Variants in PHTF2 observed in about 807,000 individuals in gnomAD.
The protein encoded by PHTF2 is putative homeodomain transcription factor 2.
In PHTF2, 60 loss-of-function variants were observed where a neutral mutation model predicts 101.2. The observed-to-expected ratio is 0.59, with a 90% CI of 0.48 to 0.73. PHTF2 has a LOEUF of 0.73. Among genes scored for constraint, PHTF2 ranks in the 30% least tolerant of loss-of-function variants. PHTF2 has a pLI of 0.00. For synonymous variants in PHTF2, 311 were observed against 307.3 expected (o/e 1.01, Z -0.13); for missense variants, 747 against 908.7 (o/e 0.82, Z 2.29).
At chr7:77,846,685 C>T (rs899195943) in intron 2 of PHTF2, among the ~76,000 whole-genome samples, 1 of 149,578 alleles carries the variant, frequency 6.7e-6, no homozygotes, top group Non-Finnish European at 1.5e-5. Context: ...CTCTGTCACT[C>T]AGGCTGTTGT....
intron 1 of PHTF2, among the ~76,000 whole-genome samples, chr7:77,813,327 T>A (rs1404053326): frequency 6.6e-6 from 1 of 152,166 alleles, no homozygotes; most frequent in Non-Finnish European, 1.5e-5. Flanking sequence ...GAATAAAGTG[T>A]TCCAGGAGAA....
chr7:77,848,807 A>G (rs908228939), intron 2 of PHTF2, among the ~76,000 whole-genome samples: 26 of 152,110 alleles, frequency 1.7e-4, no homozygotes, highest in Non-Finnish European at 3.5e-4. Flanking sequence ...GAGTTTCCCC[A>G]ATGTTTTCTT....
intron 2 of PHTF2, among the ~76,000 whole-genome samples, chr7:77,849,833 C>A (rs563329357): frequency 6.6e-6 from 1 of 152,300 alleles, no homozygotes; most frequent in Non-Finnish European, 1.5e-5. Context: ...TATAGAAATG[C>A]TACTGATTTT....
chr7:77,937,826 G>A (rs780910902), exon 13 of PHTF2: 3 of 1,515,606 alleles, frequency 2.0e-6, no homozygotes, highest in Non-Finnish European at 2.7e-6. Context: ...TCAGTGGAAT[G>A]ATAATGAACA....
intron 3 of PHTF2, among the ~76,000 whole-genome samples, chr7:77,893,058 G>A (rs1800573487): frequency 6.6e-6 from 1 of 152,094 alleles, no homozygotes; most frequent in Non-Finnish European, 1.5e-5. Flanking sequence ...TAGGGCAGTG[G>A]TTTTCAACAT....
intron 7 of PHTF2, among the ~76,000 whole-genome samples, chr7:77,908,308 T>C (rs541621845): frequency 6.6e-6 from 1 of 152,218 alleles, no homozygotes; most frequent in South Asian, 2.1e-4. Context: ...ATAGTTAGCA[T>C]TGATGGATGT....
At chr7:77,815,926 T>C (rs1186403671) in intron 1 of PHTF2, among the ~76,000 whole-genome samples, 1 of 152,228 alleles carries the variant, frequency 6.6e-6, no homozygotes, top group African/African-American at 2.4e-5. Flanking sequence ...ATTTTTGTTG[T>C]TTTTTTCCGT....
intron 3 of PHTF2, among the ~76,000 whole-genome samples, chr7:77,888,966 T>C (rs139498052): frequency 6.6e-6 from 1 of 152,178 alleles, no homozygotes; most frequent in African/African-American, 2.4e-5. Context: ...AATGGAAATA[T>C]CTGTTAGGGG....
intron 1 of PHTF2, among the ~76,000 whole-genome samples, chr7:77,800,327 G>C (rs944526187): frequency 6.6e-6 from 1 of 152,196 alleles, no homozygotes; most frequent in African/African-American, 2.4e-5. Flanking sequence ...GCCATGTCTG[G>C]GGCCAGAAAC....
At chr7:77,940,115 G>A (rs1234050279) in exon 14 of PHTF2, 6 of 1,613,536 alleles carry the variant, frequency 3.7e-6, no homozygotes, top group Non-Finnish European at 5.1e-6. Flanking sequence ...TTTGTTTTCC[G>A]ACTTTCTCAA....
intron 3 of PHTF2, among the ~76,000 whole-genome samples, chr7:77,867,238 A>G (rs4291201): frequency 0.25 from 38,718 of 152,138 alleles, 5,071 homozygotes; most frequent in South Asian, 0.29. Context: ...AGGGAGAAGT[A>G]TATGACAATG....
At position 77,937,850 on chromosome 7, in the gene PHTF2, A is replaced by G; in HGVS notation, c.1467+12A>G. 6.9e-7 allele frequency: 1 copy of G among 1,446,404 alleles called. No homozygotes were observed. The highest frequency in any genetic ancestry group is 1.4e-5 in the South Asian group (1 of 69,066). The allele number at this position is 1,446,404 out of a possible 1,614,324, so 89.6% of individuals were successfully genotyped here. A position where few individuals can be genotyped will look rare whatever the true frequency, so the allele number is the denominator to read the frequency against. ...TGATAATGAACAGAGTGAGTTTTTAAATTTTATTCTTGTAGTTCAAGGGTA... is the reference window on the plus strand; with the variant it reads ...TGATAATGAACAGAGTGAGTTTTTAGATTTTATTCTTGTAGTTCAAGGGTA... On this transcript the variant is annotated intron_variant, in intron 13 of 19. Transcript: ENST00000416283.
intron 9 of PHTF2, 96 bp downstream of exon 8, chr7:77,910,505 G>A (rs1802287103): frequency 2.5e-6 from 2 of 796,802 alleles, no homozygotes; most frequent in Admixed American, 3.0e-5. Context: ...TACTTTAAAT[G>A]TGACAGCCTC....
intron 11 of PHTF2, chr7:77,924,192 G>A (rs759582761): frequency 5.8e-5 from 52 of 903,822 alleles, no homozygotes; most frequent in Non-Finnish European, 6.7e-5. Context: ...AAGATTTGTA[G>A]TGCTCTTTTG....
intron 3 of PHTF2, among the ~76,000 whole-genome samples, chr7:77,879,935 G>A (rs1799269186): frequency 6.6e-6 from 1 of 152,094 alleles, no homozygotes; most frequent in Admixed American, 6.5e-5. Context: ...GAGGGTATTA[G>A]CTCCCTTTTC....
chr7:77,881,480 C>T (rs890163410), intron 3 of PHTF2, among the ~76,000 whole-genome samples: 40 of 151,944 alleles, frequency 2.6e-4, no homozygotes, highest in Admixed American at 7.9e-4. Context: ...GATCTCTAGC[C>T]ATAATTCTTG....
At chr7:77,923,777 C>T in intron 11 of PHTF2, 2 of 984,902 alleles carry the variant, frequency 2.0e-6, no homozygotes, top group Non-Finnish European at 2.4e-6. Context: ...GCTGTTTGAC[C>T]CCTCTCCCAG....
At chr7:77,875,210 A>G (rs1798827721) in intron 3 of PHTF2, among the ~76,000 whole-genome samples, 1 of 152,032 alleles carries the variant, frequency 6.6e-6, no homozygotes, top group Non-Finnish European at 1.5e-5. Flanking sequence ...CTAGTCCATG[A>G]GCGTGGGATG....
At chr7:77,885,950 A>G (rs955137915) in intron 3 of PHTF2, among the ~76,000 whole-genome samples, 5 of 152,222 alleles carry the variant, frequency 3.3e-5, no homozygotes, top group African/African-American at 9.6e-5. Flanking sequence ...CAGAGAAAAG[A>G]AACTAAACAT....
Sources: allele counts gnomAD v4.1 joint callset (sites outside exome capture counted in the v4.1 genomes callset), GRCh38; gene constraint gnomAD v4.1.1; transcripts MANE v1.5; gene names NCBI Gene and HGNC (gene_info 2026-07-23, HGNC 2026-07-21).